Variants in FAM78B observed in about 807,000 individuals in gnomAD.
FAM78B encodes the protein protein FAM78B.
Under a neutral mutation model 20.0 loss-of-function variants are expected in FAM78B, and 10 were observed. That is an observed-to-expected ratio of 0.50 (90% CI 0.31 to 0.85). The LOEUF is 0.85. Ranked by LOEUF, FAM78B falls within the 40% of genes least tolerant of loss-of-function variation. The pLI is 0.05. For synonymous variants in FAM78B, 135 were observed against 132.8 expected (o/e 1.02, Z -0.12); for missense variants, 283 against 345.0 (o/e 0.82, Z 1.42).
In FAM78B at chr1:166,164,510, C is replaced by G. The variant is rs190936185; in HGVS notation, c.263+1476G>C. Among the ~76,000 whole-genome samples, 4 of 152,324 alleles carry G rather than the reference C, an allele frequency of 2.6e-5. No individual in the cohort carries two copies. The East Asian group carries it at 7.7e-4, about 29-fold the overall frequency. On this transcript the variant is annotated intron_variant, in intron 1 of 1. Transcript: ENST00000354422. The stretch of plus-strand genomic sequence containing the variant: ...TCTAGCTGTCTTCTCTGGAAGAATA[C>G]AGTGTGCTGAGGCATATTGGAAACT...
intron 1 of FAM78B, among the ~76,000 whole-genome samples, chr1:166,090,128 C>T (rs1653008192): frequency 6.6e-6 from 1 of 152,200 alleles, no homozygotes; most frequent in Non-Finnish European, 1.5e-5. Flanking sequence ...TACAATGCTG[C>T]TCCTGTCCTC....
rs1033454454 is a variant in FAM78B, at chr1:166,143,832, G to T, written c.263+22154C>A. 2.6e-5 allele frequency among the ~76,000 whole-genome samples: 4 copies of T among 152,266 alleles called. No individual in the cohort carries two copies. The East Asian group carries it at 7.7e-4, about 29-fold the overall frequency. The stretch of plus-strand genomic sequence containing the variant: ...ATACATTGAGCCCTTAACCACGTGA[G>T]CCCCTGTGCCAAACACTTCGCATGG... On this transcript the variant is annotated intron_variant, in intron 1 of 1. Coordinates refer to ENST00000354422, the MANE Select transcript of FAM78B (RefSeq NM_001017961.5).
intron 1 of FAM78B, among the ~76,000 whole-genome samples, chr1:166,103,989 C>G (rs146442763): frequency 1.1e-3 from 167 of 152,172 alleles, no homozygotes; most frequent in African/African-American, 3.7e-3. Flanking sequence ...GCAACACATC[C>G]AAAAGCTTAT....
At chr1:166,107,405 G>C (rs780535093) in intron 1 of FAM78B, among the ~76,000 whole-genome samples, 1 of 152,034 alleles carries the variant, frequency 6.6e-6, no homozygotes, top group Non-Finnish European at 1.5e-5. Context: ...ATCTGGAAGA[G>C]ATAGAAAAAT....
chr1:166,105,460 A>G (rs2101751308), intron 1 of FAM78B, among the ~76,000 whole-genome samples: 2 of 152,314 alleles, frequency 1.3e-5, no homozygotes, highest in South Asian at 4.1e-4. Flanking sequence ...TACTCATCTG[A>G]CAAAGGGCTA....
At chr1:166,116,449 G>A (rs138020090) in intron 1 of FAM78B, among the ~76,000 whole-genome samples, 16 of 152,280 alleles carry the variant, frequency 1.1e-4, no homozygotes, top group Admixed American at 3.9e-4. Flanking sequence ...AGTGATAGGC[G>A]CTCAGCCAGG....
intron 1 of FAM78B, among the ~76,000 whole-genome samples, chr1:166,122,136 C>CT (rs1451833046): frequency 1.3e-5 from 2 of 152,128 alleles, no homozygotes; most frequent in African/African-American, 2.4e-5. Flanking sequence ...CAGGAGATGG[C>CT]TTTTTTTCCT....
At chr1:166,060,763 T>G (rs1651562086) in intron 2 of FAM78B, 1 of 678,356 alleles carries the variant, frequency 1.5e-6, no homozygotes, top group Non-Finnish European at 2.1e-6. Context: ...CTGGGCTCCA[T>G]TAATAGATTT....
At chr1:166,096,795 C>T (rs766910365) in intron 1 of FAM78B, among the ~76,000 whole-genome samples, 20 of 152,214 alleles carry the variant, frequency 1.3e-4, no homozygotes, top group South Asian at 2.1e-4. Flanking sequence ...TGGAGTCCTA[C>T]GATCCAGAGA....
At chr1:166,132,443 C>T (rs1377559121) in intron 1 of FAM78B, among the ~76,000 whole-genome samples, 1 of 152,072 alleles carries the variant, frequency 6.6e-6, no homozygotes, top group East Asian at 1.9e-4. Flanking sequence ...TTACTGCTTA[C>T]CTTTATTGGG....
downstream of FAM78B, among the ~76,000 whole-genome samples, chr1:166,065,839 A>G (rs561377331): frequency 8.2e-4 from 125 of 152,326 alleles, no homozygotes; most frequent in South Asian, 0.018. Context: ...CTATCTAAGG[A>G]TCATTTAGGC....
intron 1 of FAM78B, among the ~76,000 whole-genome samples, chr1:166,121,367 TG>T (rs1476413574): frequency 6.6e-6 from 1 of 152,178 alleles, no homozygotes; most frequent in African/African-American, 2.4e-5. Context: ...CACAGGGTAG[TG>T]GAGCCCACCC....
chr1:166,120,923 A>C (rs1328729154), intron 1 of FAM78B, among the ~76,000 whole-genome samples: 1 of 152,236 alleles, frequency 6.6e-6, no homozygotes, highest in African/African-American at 2.4e-5. Flanking sequence ...CCACTTGGCC[A>C]AAGTGGAGAA....
intron 1 of FAM78B, among the ~76,000 whole-genome samples, chr1:166,150,109 G>T (rs910606424): frequency 2.0e-4 from 30 of 152,168 alleles, no homozygotes; most frequent in African/African-American, 7.0e-4. Context: ...TGCCTCAGGG[G>T]GGGTTTGTGA....
intron 1 of FAM78B, among the ~76,000 whole-genome samples, chr1:166,127,698 G>A (rs2101775034): frequency 6.6e-6 from 1 of 152,332 alleles, no homozygotes; most frequent in South Asian, 2.1e-4. Context: ...GTGATGAAAA[G>A]AGAAAGACAA....
chr1:166,154,140 T>C (rs1224445079), intron 1 of FAM78B, among the ~76,000 whole-genome samples: 1 of 152,222 alleles, frequency 6.6e-6, no homozygotes, highest in Non-Finnish European at 1.5e-5. Flanking sequence ...GGAGGGCCCC[T>C]GGCCCCCTCA....
At chr1:166,117,989 G>C (rs1654322239) in intron 1 of FAM78B, among the ~76,000 whole-genome samples, 1 of 152,194 alleles carries the variant, frequency 6.6e-6, no homozygotes, top group Admixed American at 6.5e-5. Context: ...GTCAGGTTCA[G>C]ACTGGAGGGA....
chr1:166,107,726 T>C (rs370193374), intron 1 of FAM78B, among the ~76,000 whole-genome samples: 13 of 152,240 alleles, frequency 8.5e-5, no homozygotes, highest in East Asian at 5.8e-4. Flanking sequence ...TCGGTGAACA[T>C]AGACGCTAAA....
chr1:166,095,352 G>C (rs1571156970), intron 1 of FAM78B, among the ~76,000 whole-genome samples: 2 of 152,148 alleles, frequency 1.3e-5, no homozygotes, highest in African/African-American at 4.8e-5. Flanking sequence ...GAGGTGTGCT[G>C]AACAGTCTGG....
Sources: gnomAD v4.1 joint callset for allele counts (sites outside exome capture counted in the v4.1 genomes callset) on GRCh38, gnomAD v4.1.1 for gene constraint, MANE v1.5 for transcripts, NCBI Gene and HGNC (gene_info 2026-07-23, HGNC 2026-07-21) for gene names.